Variants in CDH18 observed in about 807,000 individuals in gnomAD.
CDH18 encodes cadherin-18.
In CDH18, 31 loss-of-function variants were observed where a neutral mutation model predicts 67.9. The observed-to-expected ratio is 0.46, with a 90% CI of 0.34 to 0.62. The LOEUF is 0.62. CDH18 is among the 20% of genes least tolerant of loss of function. CDH18 has a pLI of 0.01. For synonymous variants in CDH18, 362 were observed against 347.2 expected (o/e 1.04, Z -0.48); for missense variants, 890 against 975.5 (o/e 0.91, Z 1.17).
intron 9 of CDH18, among the ~76,000 whole-genome samples, chr5:19,542,916 A>G (rs1197192098): frequency 6.6e-6 from 1 of 152,108 alleles, no homozygotes; most frequent in Non-Finnish European, 1.5e-5. Context: ...ATGCTGTGTG[A>G]ATTGTATATC....
At chr5:19,851,423 C>CAAAAA (rs199551683) in intron 2 of CDH18, among the ~76,000 whole-genome samples, 4 of 108,064 alleles carry the variant, frequency 3.7e-5, no homozygotes, top group Admixed American at 9.4e-5. Context: ...AAAGAAAAGC[C>CAAAAA]AAAAAAAAAA....
chr5:19,985,224 T>C (rs910932703), intron 1 of CDH18, among the ~76,000 whole-genome samples: 4 of 152,104 alleles, frequency 2.6e-5, no homozygotes, highest in African/African-American at 7.2e-5. Context: ...GTAAAACACC[T>C]ACCAATTGAA....
In CDH18 at chr5:19,694,157, G is replaced by A. The variant is rs115466153; in HGVS notation, c.643+27190C>T. 5.1e-3 allele frequency among the ~76,000 whole-genome samples: 778 copies of A among 152,136 alleles called. 3 individuals are homozygous for A. Among genetic ancestry groups the A allele is most frequent in the African/African-American group, 0.018 (737 of 41,512 alleles). ...CAAAAACATCAATAGGTCTAATTTCGTCAATAGTGTATGTATCTTTAATTT... is the reference window on the plus strand; with the variant it reads ...CAAAAACATCAATAGGTCTAATTTCATCAATAGTGTATGTATCTTTAATTT... On this transcript the variant is annotated intron_variant, in intron 5 of 12. Transcript: ENST00000382275.
chr5:19,526,121 GTTAT>G (rs891840021), intron 9 of CDH18, among the ~76,000 whole-genome samples: 2 of 152,050 alleles, frequency 1.3e-5, no homozygotes, highest in Non-Finnish European at 2.9e-5. Flanking sequence ...TATAATAAGA[GTTAT>G]TTAACTTGCC....
At chr5:20,266,200 C>A (rs1365582098) in intron 1 of CDH18, among the ~76,000 whole-genome samples, 2 of 152,144 alleles carry the variant, frequency 1.3e-5, no homozygotes, top group African/African-American at 4.8e-5. Context: ...TTGAGTGAGT[C>A]AATCCCTTGT....
chr5:19,960,702 TG>T (rs199981728), intron 2 of CDH18, among the ~76,000 whole-genome samples: 5,321 of 131,352 alleles, frequency 0.041, 751 homozygotes, highest in African/African-American at 0.17. Flanking sequence ...CGTGTATATA[TG>T]TATATATGTA....
chr5:20,240,401 A>G (rs1742809570), intron 2 of CDH18, among the ~76,000 whole-genome samples: 1 of 152,140 alleles, frequency 6.6e-6, no homozygotes, highest in Non-Finnish European at 1.5e-5. Context: ...CTGTGTGCAT[A>G]AATTTATTTT....
chr5:19,519,195 A>C (rs563380798), intron 10 of CDH18, among the ~76,000 whole-genome samples: 28 of 152,258 alleles, frequency 1.8e-4, no homozygotes, highest in African/African-American at 6.7e-4. Context: ...TTATGTCTAG[A>C]GTTTTTTATT....
intron 4 of CDH18, among the ~76,000 whole-genome samples, chr5:19,727,920 A>AAAG (rs1195452935): frequency 6.6e-6 from 1 of 152,204 alleles, no homozygotes; most frequent in Non-Finnish European, 1.5e-5. Flanking sequence ...GCACTTTAAT[A>AAAG]AAGAATTTTA....
At chr5:19,982,410 T>C (rs1799146519) in intron 1 of CDH18, among the ~76,000 whole-genome samples, 1 of 145,008 alleles carries the variant, frequency 6.9e-6, no homozygotes, top group Admixed American at 6.6e-5. Flanking sequence ...TCTCAAAATT[T>C]TTCTGAAAAT....
intron 2 of CDH18, among the ~76,000 whole-genome samples, chr5:20,160,196 G>C (rs1187665818): frequency 2.0e-5 from 3 of 152,070 alleles, no homozygotes; most frequent in African/African-American, 7.2e-5. Flanking sequence ...ACTAATACTT[G>C]GCTATTTCTA....
chr5:20,063,436 A>T (rs1742683526), intron 2 of CDH18, among the ~76,000 whole-genome samples: 1 of 152,100 alleles, frequency 6.6e-6, no homozygotes, highest in African/African-American at 2.4e-5. Flanking sequence ...ATTTATGTGC[A>T]TCCCCATTTA....
chr5:19,926,108 C>G (rs2150183457), intron 2 of CDH18, among the ~76,000 whole-genome samples: 1 of 151,760 alleles, frequency 6.6e-6, no homozygotes, highest in South Asian at 2.1e-4. Context: ...CAAATTGTTG[C>G]AAATCTCTAA....
At chr5:20,449,818 T>G in intron 1 of CDH18, among the ~76,000 whole-genome samples, 1 of 126,712 alleles carries the variant, frequency 7.9e-6, no homozygotes, top group African/African-American at 2.5e-5. Flanking sequence ...CATGTTTGTC[T>G]ACAAAAAAGA....
At chr5:19,598,095 A>G (rs1746460652) in intron 6 of CDH18, among the ~76,000 whole-genome samples, 1 of 152,174 alleles carries the variant, frequency 6.6e-6, no homozygotes, top group Non-Finnish European at 1.5e-5. Context: ...GGCTACAGCT[A>G]TAAAAAAGGC....
At chr5:20,189,472 G>A (rs535506104) in intron 2 of CDH18, among the ~76,000 whole-genome samples, 1 of 152,088 alleles carries the variant, frequency 6.6e-6, no homozygotes, top group East Asian at 1.9e-4. Flanking sequence ...ATCACTCTAA[G>A]TGATTTCATA....
At chr5:20,191,025 A>AT (rs1738494325) in intron 2 of CDH18, among the ~76,000 whole-genome samples, 1 of 152,126 alleles carries the variant, frequency 6.6e-6, no homozygotes, top group Admixed American at 6.6e-5. Context: ...TGTCTATGGC[A>AT]GTGAAGGCTC....
intron 5 of CDH18, among the ~76,000 whole-genome samples, chr5:19,669,542 C>T (rs924384322): frequency 9.2e-5 from 14 of 152,136 alleles, no homozygotes; most frequent in African/African-American, 2.9e-4. Context: ...CCTCCCGTCT[C>T]GGCCTCCCAA....
At chr5:19,938,011 A>G (rs1052253074) in intron 2 of CDH18, among the ~76,000 whole-genome samples, 8 of 147,930 alleles carry the variant, frequency 5.4e-5, no homozygotes, top group Non-Finnish European at 4.5e-5. Context: ...TATTTGCTAT[A>G]TATATAGCAT....
Sources: gnomAD v4.1 joint callset for allele counts (sites outside exome capture counted in the v4.1 genomes callset) on GRCh38, gnomAD v4.1.1 for gene constraint, MANE v1.5 for transcripts, NCBI Gene and HGNC (gene_info 2026-07-23, HGNC 2026-07-21) for gene names.